The following ADCY2 variants were observed in gnomAD, a reference collection of about 807,000 sequenced individuals.
ADCY2 encodes adenylate cyclase 2, also known as adenylate cyclase type 2.
A neutral mutation model predicts 125.2 loss-of-function variants in ADCY2; 31 were observed. The ratio of observed to expected loss-of-function variants is 0.25; its 90% CI spans 0.19 to 0.33. The LOEUF is 0.33. Ranked by LOEUF, ADCY2 falls within the 10% of genes least tolerant of loss-of-function variation. The pLI is 1.00. For synonymous variants in ADCY2, 512 were observed against 548.4 expected (o/e 0.93, Z 0.93); for missense variants, 904 against 1,418.2 (o/e 0.64, Z 5.82).
At chr5:7,669,220 CA>C (rs757343072) in intron 4 of ADCY2, among the ~76,000 whole-genome samples, 85 of 152,172 alleles carry the variant, frequency 5.6e-4, no homozygotes, top group Non-Finnish European at 9.7e-4. Flanking sequence ...CCAAGTAAAG[CA>C]GAAGGAATAT....
chr5:7,705,227 A>G (rs1007579774), intron 7 of ADCY2, among the ~76,000 whole-genome samples: 2 of 152,246 alleles, frequency 1.3e-5, no homozygotes, highest in African/African-American at 4.8e-5. Flanking sequence ...TTGATCCATT[A>G]GTAAACTTGT....
chr5:7,786,480 A>G (rs1744086481), intron 19 of ADCY2, among the ~76,000 whole-genome samples: 1 of 152,190 alleles, frequency 6.6e-6, no homozygotes, highest in East Asian at 1.9e-4. Flanking sequence ...TTCCTGCTCC[A>G]TGACCATCTT....
intron 4 of ADCY2, among the ~76,000 whole-genome samples, chr5:7,627,112 C>T (rs1412200203): frequency 1.3e-5 from 2 of 152,144 alleles, no homozygotes; most frequent in Admixed American, 1.3e-4. Context: ...CCGTGCTGTG[C>T]CATCACAGCA....
intron 20 of ADCY2, among the ~76,000 whole-genome samples, chr5:7,790,997 T>G (rs1472718538): frequency 1.3e-5 from 2 of 151,996 alleles, no homozygotes; most frequent in East Asian, 3.9e-4. Context: ...AGCTATTAAT[T>G]TGCATTGCCA....
intron 14 of ADCY2, among the ~76,000 whole-genome samples, chr5:7,731,351 G>A (rs1216074786): frequency 6.6e-6 from 1 of 151,396 alleles, no homozygotes; most frequent in Non-Finnish European, 1.5e-5. Context: ...CGCCTCCTGG[G>A]TTCAAGCAGT....
chr5:7,603,784 C>CTTTTTTTTTTTTTTTTTTT, intron 3 of ADCY2, among the ~76,000 whole-genome samples: 121 of 62,798 alleles, frequency 1.9e-3, no homozygotes, highest in Middle Eastern at 0.019. Context: ...TGCTCTCTTT[C>CTTTTTTTTTTTTTTTTTTT]TTTTTTTTTT....
At chr5:7,700,716 C>T in intron 7 of ADCY2, among the ~76,000 whole-genome samples, 1 of 10,162 alleles carries the variant, frequency 9.8e-5, no homozygotes, top group South Asian at 7.5e-3. Flanking sequence ...CCCCTCGCAC[C>T]CACCACACAC....
chr5:7,517,168 A>G (rs1331348051), intron 2 of ADCY2, among the ~76,000 whole-genome samples: 1 of 152,152 alleles, frequency 6.6e-6, no homozygotes, highest in African/African-American at 2.4e-5. Context: ...TAAGAGACAC[A>G]CTTGAAACTT....
rs139450063 is a variant in ADCY2 at position 7,693,406 on chromosome 5, G to GTTTTTTTTTTTTTT, written c.870-2340_870-2339insTTTTTTTTTTTTTT. ...GTACCTTGCATCACAATTGCCTGCT[G>GTTTTTTTTTTTTTT]TTTTTTGTTTTTTTTTTTTTTTTTT... On this transcript the variant is annotated intron_variant, in intron 5 of 24. Coordinates refer to ENST00000338316, the MANE Select transcript of ADCY2 (RefSeq NM_020546.3). 7.0e-3 allele frequency among the ~76,000 whole-genome samples: 407 copies of GTTTTTTTTTTTTTT among 58,528 alleles called. 32 individuals are homozygous for GTTTTTTTTTTTTTT. Among genetic ancestry groups the GTTTTTTTTTTTTTT allele is most frequent in the Non-Finnish European group, 0.011 (308 of 27,642 alleles). 38.4% of individuals were successfully genotyped at this position (58,528 alleles called of 152,430 possible). A position where few individuals can be genotyped will look rare whatever the true frequency, so the allele number is the denominator to read the frequency against.
intron 2 of ADCY2, among the ~76,000 whole-genome samples, chr5:7,423,875 G>A (rs1020508760): frequency 1.3e-5 from 2 of 152,116 alleles, no homozygotes; most frequent in African/African-American, 4.8e-5. Context: ...ACTGAAAATT[G>A]GCATCATGAC....
At chr5:7,418,166 C>G (rs1217391768) in intron 2 of ADCY2, among the ~76,000 whole-genome samples, 1 of 152,160 alleles carries the variant, frequency 6.6e-6, no homozygotes, top group African/African-American at 2.4e-5. Flanking sequence ...TGTACCTTGA[C>G]ATTTTTGCTT....
At chr5:7,712,064 T>C (rs1050955611) in intron 10 of ADCY2, among the ~76,000 whole-genome samples, 1 of 152,196 alleles carries the variant, frequency 6.6e-6, no homozygotes, top group African/African-American at 2.4e-5. Flanking sequence ...ATACAGTACT[T>C]TACTGTATGG....
At chr5:7,462,210 G>A (rs911991588) in intron 2 of ADCY2, among the ~76,000 whole-genome samples, 8 of 152,194 alleles carry the variant, frequency 5.3e-5, no homozygotes, top group Non-Finnish European at 8.8e-5. Context: ...CCCAAACACT[G>A]TCTCTTAGTG....
intron 1 of ADCY2, among the ~76,000 whole-genome samples, chr5:7,409,271 T>TA (rs1338538583): frequency 1.3e-5 from 2 of 152,048 alleles, no homozygotes; most frequent in African/African-American, 4.8e-5. Flanking sequence ...TCAGGACAAA[T>TA]AACTAATGGG....
Position 7,727,067 on chromosome 5 carries a change from G to C in ADCY2, c.1774-97G>C, listed in dbSNP as rs527404626. ...TGGCTGCAATCTGCACAATTTCTGA[G>C]TGTGGTGCATGCTCTGGGTACAACT... On this transcript the variant is annotated intron_variant, in intron 13 of 24. Coordinates refer to ENST00000338316, the MANE Select transcript of ADCY2 (RefSeq NM_020546.3). The C allele has an allele frequency of 6.0e-6, 5 of 837,574 alleles. 1 individual carries two copies. In the South Asian group the frequency reaches 8.4e-5, roughly 14 times the overall value. The allele number at this position is 837,574 out of a possible 1,614,324, so 51.9% of individuals were successfully genotyped here.
chr5:7,813,313 G>C (rs1223339324), intron 22 of ADCY2, among the ~76,000 whole-genome samples: 4 of 152,208 alleles, frequency 2.6e-5, no homozygotes, highest in African/African-American at 9.7e-5. Context: ...AGGGAGAAGA[G>C]AGTACAGAAG....
chr5:7,667,927 A>G lies in ADCY2; in HGVS notation c.721-22764A>G, dbSNP rs373293114. Among the ~76,000 whole-genome samples, 184 of 152,282 alleles carry G rather than the reference A, an allele frequency of 1.2e-3. 5 individuals are homozygous for G. The South Asian group carries it at 0.036, about 30-fold the overall frequency. ...TAGAACAAGGACTTCTTCTTTGCTG[A>G]CAGCTACCTGTCTGTGCCATTTCAG... On this transcript the variant is annotated intron_variant, in intron 4 of 24. Coordinates refer to ENST00000338316, the MANE Select transcript of ADCY2 (RefSeq NM_020546.3).
rs140842335 is a variant in ADCY2, at chr5:7,707,749, G to A, written c.1312G>A (p.Ala438Thr). The A allele has an allele frequency of 3.0e-4, 486 of 1,614,038 alleles. No individual in the cohort carries two copies. Among genetic ancestry groups the A allele is most frequent in the Middle Eastern group, 3.3e-4 (2 of 6,062 alleles). The change falls in exon 9 of 25, where the codon GCT becomes ACT. Residue 438 changes from alanine (A) to threonine (T), a missense_variant. Around this residue, in one of 7 missense-constraint regions of ADCY2, gnomAD observed 144 missense variants for 227.7 expected, o/e 0.63. Coordinates refer to ENST00000338316, the MANE Select transcript of ADCY2 (RefSeq NM_020546.3). Reference sequence around the variant, plus strand: ...TGTCACCCTGGAGCACTTGAATGGCGCTTATAAAGTGGAGGAGGGAGATGG... The same window carrying A: ...TGTCACCCTGGAGCACTTGAATGGCACTTATAAAGTGGAGGAGGGAGATGG... ...SSVTLEHLNG[A>T]YKVEEGDGDI... is the part of the protein sequence containing the mutation.
intron 7 of ADCY2, among the ~76,000 whole-genome samples, chr5:7,702,925 T>C (rs1441028973): frequency 6.6e-6 from 1 of 152,250 alleles, no homozygotes; most frequent in African/African-American, 2.4e-5. Context: ...CCATTCTGAC[T>C]GGTGTGAGTT....
Sources: gnomAD v4.1 joint callset for allele counts (sites outside exome capture counted in the v4.1 genomes callset) on GRCh38, gnomAD v4.1.1 for gene constraint, gnomAD v4.1.1 regional missense constraint, MANE v1.5 for transcripts, NCBI Gene and HGNC (gene_info 2026-07-23, HGNC 2026-07-21) for gene names.